MEIOSIN: variants seen among roughly 807,000 people sequenced by gnomAD.
The protein encoded by MEIOSIN is meiosis initiator.
In MEIOSIN, 18 loss-of-function variants were observed where a neutral mutation model predicts 23.4. That is an observed-to-expected ratio of 0.77 (90% CI 0.53 to 1.14). The LOEUF (loss-of-function observed/expected upper bound fraction) is 1.14. MEIOSIN is among the 50% of genes most tolerant of loss of function. The probability of loss-of-function intolerance (pLI) is 0.00; values close to 1 mark genes in which losing one functional copy is unlikely to be tolerated. For missense variants in MEIOSIN, 428 were observed against 242.9 expected, an observed-to-expected ratio of 1.76 and a Z score of -5.07; for synonymous variants, 187 against 100.6, an observed-to-expected ratio of 1.86 and a Z score of -5.14.
intron 11 of MEIOSIN, among the ~76,000 whole-genome samples, chr19:45,760,148 C>A (rs1394246311): frequency 6.6e-6 from 1 of 151,964 alleles, no homozygotes; most frequent in Non-Finnish European, 1.5e-5. Flanking sequence ...CTCCTGTGGC[C>A]CCATTTTACA....
intron 4 of MEIOSIN, among the ~76,000 whole-genome samples, chr19:45,747,033 G>A (rs776426307): frequency 5.3e-5 from 8 of 152,088 alleles, no homozygotes; most frequent in Non-Finnish European, 1.0e-4. Context: ...TAGCCCTTGG[G>A]GAGCCAGAGA....
chr19:45,747,486 C>A (rs965670823), intron 4 of MEIOSIN, among the ~76,000 whole-genome samples: 2 of 152,182 alleles, frequency 1.3e-5, no homozygotes, highest in African/African-American at 2.4e-5. Context: ...TTGTTTCCGA[C>A]CTCCTTCAGG....
chr19:45,752,021 C>T (rs1600384798), intron 5 of MEIOSIN, among the ~76,000 whole-genome samples: 1 of 146,888 alleles, frequency 6.8e-6, no homozygotes. Flanking sequence ...CTGTGAGCCC[C>T]TGCTCCTAGC....
In MEIOSIN at chr19:45,754,733, C is replaced by G; in HGVS notation, c.802+9C>G. On this transcript the variant is annotated intron_variant, in intron 7 of 14. Transcript: ENST00000457052. ...CCACTGTGACATCTCAAGTGGGTCT[C>G]TTTCCTCACTCTGAACTTAGTCTTT... The G allele has an allele frequency of 1.4e-6, 1 of 702,898 alleles. No homozygotes were observed. Among genetic ancestry groups the G allele is most frequent in the Non-Finnish European group, 2.6e-6 (1 of 384,956 alleles). 43.5% of individuals were successfully genotyped at this position (702,898 alleles called of 1,614,324 possible).
At chr19:45,745,632 G>A (rs1370581293) in intron 4 of MEIOSIN, among the ~76,000 whole-genome samples, 1 of 152,190 alleles carries the variant, frequency 6.6e-6, no homozygotes, top group Non-Finnish European at 1.5e-5. Flanking sequence ...ACTCTGGGCA[G>A]TTTCTCAGGC....
chr19:45,737,107 G>C (rs1190010357), intron 2 of MEIOSIN, among the ~76,000 whole-genome samples: 1 of 151,686 alleles, frequency 6.6e-6, no homozygotes, highest in African/African-American at 2.4e-5. Flanking sequence ...GATCTCAGGT[G>C]ATTCACCCGC....
chr19:45,742,435 G>A (rs1295120599), intron 3 of MEIOSIN, among the ~76,000 whole-genome samples: 1 of 152,068 alleles, frequency 6.6e-6, no homozygotes, highest in Non-Finnish European at 1.5e-5. Context: ...AGCTATGATT[G>A]TGCTATTACA....
Position 45,735,398 on chromosome 19 carries a change from T to G in MEIOSIN, c.22T>G (p.Leu8Val). 1.4e-6 allele frequency: 1 copy of G among 702,838 alleles called. No individual in the cohort carries two copies. Among genetic ancestry groups the G allele is most frequent in the South Asian group, 1.5e-5 (1 of 67,578 alleles). 43.5% of individuals were successfully genotyped at this position (702,838 alleles called of 1,614,324 possible). The change falls in exon 2 of 15, where the codon TTG (leucine) becomes GTG (valine). Residue 8 changes from leucine (L) to valine (V), a missense_variant. Physicochemically the swap from Leu to Val is conservative, Grantham distance 32. Coordinates refer to ENST00000457052, the MANE Select transcript of MEIOSIN (RefSeq NM_001310124.2). MFGSSRYLGSSEQPRANS... is the reference protein window; with the variant it reads MFGSSRYVGSSEQPRANS... Reference sequence around the variant, plus strand: ...GCAGATGTTTGGTTCCAGCAGATACTTGGGTTCCTCTGAACAGCCCAGAGC... The same window carrying G: ...GCAGATGTTTGGTTCCAGCAGATACGTGGGTTCCTCTGAACAGCCCAGAGC...
intron 3 of MEIOSIN, among the ~76,000 whole-genome samples, chr19:45,742,022 C>A (rs1424009260): frequency 3.9e-5 from 6 of 151,960 alleles, no homozygotes; most frequent in African/African-American, 1.2e-4. Context: ...ATTACAGGCA[C>A]CTGCCACCAC....
At chr19:45,755,446 G>A (rs574480912) in intron 7 of MEIOSIN, among the ~76,000 whole-genome samples, 3 of 150,850 alleles carry the variant, frequency 2.0e-5, no homozygotes, top group African/African-American at 7.3e-5. Context: ...ACTGTGCCGG[G>A]CCCATTAGAG....
chr19:45,735,712 T>C (rs1048824502), intron 2 of MEIOSIN, among the ~76,000 whole-genome samples: 2 of 152,170 alleles, frequency 1.3e-5, no homozygotes, highest in Non-Finnish European at 2.9e-5. Context: ...GTTTCACTCC[T>C]GTTGCCCAGG....
intron 2 of MEIOSIN, among the ~76,000 whole-genome samples, chr19:45,738,111 G>T (rs1344118761): frequency 6.6e-6 from 1 of 152,114 alleles, no homozygotes; most frequent in Admixed American, 6.6e-5. Flanking sequence ...CAAGTGTAAT[G>T]AATCTTATAG....
chr19:45,752,272 G>A (rs533554468), intron 5 of MEIOSIN, among the ~76,000 whole-genome samples: 66 of 151,984 alleles, frequency 4.3e-4, no homozygotes, highest in African/African-American at 1.5e-3. Context: ...CTAGAGTGCA[G>A]TGGCGTGATC....
chr19:45,751,179 G>A (rs974723431), intron 5 of MEIOSIN, among the ~76,000 whole-genome samples: 1 of 151,848 alleles, frequency 6.6e-6, no homozygotes, highest in African/African-American at 2.4e-5. Flanking sequence ...GGTTGAGGCA[G>A]GAGAATCACT....
At chr19:45,758,794 GCA>G in intron 9 of MEIOSIN, 82 bp from the exon 10 acceptor site, 1 of 650,904 alleles carries the variant, frequency 1.5e-6, no homozygotes, top group Non-Finnish European at 2.8e-6. Context: ...GTAGCATCAG[GCA>G]CTATCTCCTC....
chr19:45,763,695 T>A (rs1968995053), intron 14 of MEIOSIN, among the ~76,000 whole-genome samples: 1 of 152,070 alleles, frequency 6.6e-6, no homozygotes, highest in African/African-American at 2.4e-5. Flanking sequence ...CGGGGCGTGG[T>A]CTGATTTTCC....
At chr19:45,751,428 C>T (rs1210063518) in intron 5 of MEIOSIN, among the ~76,000 whole-genome samples, 4 of 151,948 alleles carry the variant, frequency 2.6e-5, no homozygotes, top group Non-Finnish European at 5.9e-5. Flanking sequence ...TTTGGGATCT[C>T]ATCCCTGCCT....
chr19:45,756,720 G>A (rs1006819756), intron 8 of MEIOSIN, among the ~76,000 whole-genome samples: 34 of 152,184 alleles, frequency 2.2e-4, no homozygotes, highest in Non-Finnish European at 8.8e-5. Flanking sequence ...CACTGCACCC[G>A]GCCCGGATAT....
rs1968362199 is a variant in MEIOSIN, at chr19:45,733,729, G to C, written c.-1+63G>C. The C allele has an allele frequency of 6.6e-6, 1 of 152,360 alleles. No homozygotes were observed. The highest frequency in any genetic ancestry group is 2.1e-4 in the South Asian group (1 of 4,832). 9.4% of individuals were successfully genotyped at this position (152,360 alleles called of 1,614,324 possible). A position where few individuals can be genotyped will look rare whatever the true frequency, so the allele number is the denominator to read the frequency against. On this transcript the variant is annotated intron_variant, in intron 1 of 14. Transcript: ENST00000457052. This position sits in a 1 kb window ranked among gnomAD's most constrained non-coding sequence, Gnocchi z 5.7. ...AGGGGGCCTCCCCCAGCACTAGCTG[G>C]GCTTAGGGGAACCCGGGATCCCCAC...
Sources: gnomAD v4.1 joint callset for allele counts (sites outside exome capture counted in the v4.1 genomes callset) on GRCh38, gnomAD v4.1.1 for gene constraint, Gnocchi (gnomAD v3.1) non-coding constraint, MANE v1.5 for transcripts, NCBI Gene and HGNC (gene_info 2026-07-23, HGNC 2026-07-21) for gene names.